HAVCR2: variants seen among roughly 807,000 people sequenced by gnomAD.
HAVCR2 encodes hepatitis A virus cellular receptor 2.
A neutral mutation model predicts 24.7 loss-of-function variants in HAVCR2; 13 were observed. That is an observed-to-expected ratio of 0.53 (90% confidence interval 0.34 to 0.84). HAVCR2 has a LOEUF of 0.84. Among genes scored for constraint, HAVCR2 ranks in the 40% least tolerant of loss-of-function variants. The probability of loss-of-function intolerance (pLI) is 0.01; values close to 1 mark genes in which losing one functional copy is unlikely to be tolerated. For synonymous variants in HAVCR2, 154 were observed against 143.4 expected (o/e 1.07, Z -0.53); for missense variants, 343 against 371.2 (o/e 0.92, Z 0.62).
chr5:157,088,962 T>A lies in HAVCR2; in HGVS notation c.692A>T (p.Lys231Ile), dbSNP rs1318725609. Reference protein sequence around the residue: ...ALIFKWYSHSKEKIQNLSLIS... With the variant: ...ALIFKWYSHSIEKIQNLSLIS... ...TTACCTTAAATTCTGTATCTTCTCT[T>A]TGCTATGAGAATACCCTAGTAAGGG... Residue 231 changes from lysine (K) to isoleucine (I), a missense_variant, in exon 6 of 7, where the codon AAA (lysine) becomes ATA (isoleucine). Physicochemically the swap from Lys to Ile is moderately radical, Grantham distance 102. Coordinates refer to ENST00000307851, the MANE Select transcript of HAVCR2 (RefSeq NM_032782.5). The A allele has an allele frequency of 6.2e-7, 1 of 1,608,946 alleles. No individual in the cohort carries two copies. The highest frequency in any genetic ancestry group is 2.2e-5 in the East Asian group (1 of 44,672).
At chr5:157,093,650 T>C (rs1470893438) in intron 5 of HAVCR2, among the ~76,000 whole-genome samples, 1 of 152,052 alleles carries the variant, frequency 6.6e-6, no homozygotes, top group Non-Finnish European at 1.5e-5. Context: ...GACACAATTA[T>C]AAAAGTGTGT....
Position 157,107,805 on chromosome 5 carries a change from C to G in HAVCR2, c.59-843G>C, listed in dbSNP as rs372449154. Among the ~76,000 whole-genome samples the G allele has an allele frequency of 7.2e-5, 11 of 152,234 alleles. No homozygotes were observed. In the East Asian group the frequency reaches 1.5e-3, roughly 21 times the overall value. Reference sequence around the variant, plus strand: ...TGCGTTATCTGATTGTTTCCCTACCCCATTTTGTCTGTGTTATCTAATGTA... The same window carrying G: ...TGCGTTATCTGATTGTTTCCCTACCGCATTTTGTCTGTGTTATCTAATGTA... On this transcript the variant is annotated intron_variant, in intron 1 of 6. Transcript: ENST00000307851.
rs1308317592 is a variant in HAVCR2, at chr5:157,086,699, C to T, written c.*403G>A. 1 of 166,908 alleles carries T rather than the reference C, an allele frequency of 6.0e-6. No individual in the cohort carries two copies. Among genetic ancestry groups the T allele is most frequent in the Non-Finnish European group, 1.3e-5 (1 of 78,612 alleles). The allele number at this position is 166,908 out of a possible 1,614,324, so 10.3% of individuals were successfully genotyped here. On this transcript the variant is annotated 3_prime_UTR_variant, in exon 7 of 7. Coordinates refer to ENST00000307851, the MANE Select transcript of HAVCR2 (RefSeq NM_032782.5). Reference sequence around the variant, plus strand: ...AGATCTCTTTGAAAATCAGTGGCCCCTTTAGACTTTCTGTGCCAAAAAAGT... The same window carrying T: ...AGATCTCTTTGAAAATCAGTGGCCCTTTTAGACTTTCTGTGCCAAAAAAGT...
At chr5:157,087,343 C>A (rs758895328) in intron 6 of HAVCR2, 49 bp from the exon 7 acceptor site, 2 of 1,511,058 alleles carry the variant, frequency 1.3e-6, no homozygotes, top group South Asian at 1.2e-5. Context: ...CCAGGTAACA[C>A]GGAATAGAGT....
At chr5:157,097,314 G>A (rs1757107041) in intron 4 of HAVCR2, among the ~76,000 whole-genome samples, 2 of 151,080 alleles carry the variant, frequency 1.3e-5, no homozygotes, top group African/African-American at 4.9e-5. Flanking sequence ...GAGTGCAGGG[G>A]CATGATCACA....
In HAVCR2 at chr5:157,088,974, T is replaced by C; in HGVS notation, c.680A>G (p.Tyr227Cys). 2 of 1,607,016 alleles carry C rather than the reference T, an allele frequency of 1.2e-6. No homozygotes were observed. Among genetic ancestry groups the C allele is most frequent in the Non-Finnish European group, 1.7e-6 (2 of 1,177,018 alleles). ...CTGTATCTTCTCTTTGCTATGAGAA[T>C]ACCCTAGTAAGGGGGAAACAAAAGC... ...LIFGALIFKW[Y>C]SHSKEKIQNL... The change falls in exon 6 of 7, where the codon TAT becomes TGT. Residue 227 changes from tyrosine (Y) to cysteine (C), a missense_variant. Physicochemically the swap from Tyr to Cys is radical, Grantham distance 194. Transcript: ENST00000307851.
In HAVCR2 at chr5:157,106,844, A is replaced by G; in HGVS notation, c.177T>C (p.Pro59=). ...GCACCACGTTGCCACATTCAAACACAGGACAGGCTCCTTTGCCCCAGCAGA... is the reference window on the plus strand; with the variant it reads ...GCACCACGTTGCCACATTCAAACACGGGACAGGCTCCTTTGCCCCAGCAGA... ...VPVCWGKGAC[P]VFECGNVVLR... The change falls in exon 2 of 7, where the codon CCT becomes CCC. Residue 59 remains proline, a synonymous_variant. Coordinates refer to ENST00000307851, the MANE Select transcript of HAVCR2 (RefSeq NM_032782.5). 2 of 1,614,186 alleles carry G rather than the reference A, an allele frequency of 1.2e-6. No homozygotes were observed. Among genetic ancestry groups the G allele is most frequent in the Non-Finnish European group, 1.7e-6 (2 of 1,180,036 alleles).
In HAVCR2 at chr5:157,106,491, C is replaced by T. The variant is rs1289171156; in HGVS notation, c.394+136G>A. On this transcript the variant is annotated intron_variant, in intron 2 of 6. Coordinates refer to ENST00000307851, the MANE Select transcript of HAVCR2 (RefSeq NM_032782.5). ...ATATCACTGAGCATCACCAATGGGG[C>T]CTGTTAAACTTTAGGTCTTAGTGGC... is the stretch of plus-strand genomic sequence containing the variant. 27 of 667,636 alleles carry T rather than the reference C, an allele frequency of 4.0e-5. No homozygotes were observed. The East Asian group carries it at 7.3e-4, about 18-fold the overall frequency. 41.4% of individuals were successfully genotyped at this position (667,636 alleles called of 1,614,324 possible).
intron 2 of HAVCR2, chr5:157,106,129 C>CTTTTT (rs200390397): frequency 2.0e-5 from 1 of 49,634 alleles, no homozygotes. Flanking sequence ...CTTTTCTTTT[C>CTTTTT]TTTTCTTTTT....
chr5:157,104,083 C>G (rs1329884892), intron 3 of HAVCR2, among the ~76,000 whole-genome samples: 1 of 152,018 alleles, frequency 6.6e-6, no homozygotes, highest in Non-Finnish European at 1.5e-5. Context: ...TAGAAGAGAC[C>G]AGGACACTGA....
At chr5:157,101,540 GTAC>G (rs1757164907) in intron 3 of HAVCR2, among the ~76,000 whole-genome samples, 1 of 152,114 alleles carries the variant, frequency 6.6e-6, no homozygotes, top group Non-Finnish European at 1.5e-5. Context: ...CAATAAGTAG[GTAC>G]TACTATTTTC....
chr5:157,093,112 C>CATAT (rs138674966), intron 5 of HAVCR2, among the ~76,000 whole-genome samples: 39 of 139,816 alleles, frequency 2.8e-4, no homozygotes, highest in African/African-American at 1.1e-3. Flanking sequence ...CATATATATA[C>CATAT]ATATATATAT....
chr5:157,102,934 CAAAA>C (rs34491013), intron 3 of HAVCR2, among the ~76,000 whole-genome samples: 2 of 119,408 alleles, frequency 1.7e-5, no homozygotes. Context: ...GACTCCGTCT[CAAAA>C]AAAAAAAAAA....
At position 157,106,889 on chromosome 5, in the gene HAVCR2, G is replaced by A. The variant is rs762287960; in HGVS notation, c.132C>T (p.Ala44=). The A allele has an allele frequency of 3.1e-6, 5 of 1,614,066 alleles. No individual in the cohort carries two copies. The highest frequency in any genetic ancestry group is 4.2e-6 in the Non-Finnish European group (5 of 1,180,026). Residue 44 remains alanine, a synonymous_variant, in exon 2 of 7, where the codon GCC becomes GCT. Coordinates refer to ENST00000307851, the MANE Select transcript of HAVCR2 (RefSeq NM_032782.5). ...AYLPCFYTPA[A]PGNLVPVCWG... ...AGCAGACGGGCACGAGGTTCCCTGG[G>A]GCGGCTGGGGTGTAGAAGCAGGGCA...
rs1164539065 is a variant in HAVCR2 at position 157,101,955 on chromosome 5, TTTTTTTTTTG to T, written c.478+2701_478+2710del. Among the ~76,000 whole-genome samples, 191 of 148,298 alleles carry T rather than the reference TTTTTTTTTTG, an allele frequency of 1.3e-3. 5 individuals are homozygous for T. Among genetic ancestry groups the T allele is most frequent in the Non-Finnish European group, 1.2e-3 (78 of 66,890 alleles). On this transcript the variant is annotated intron_variant, in intron 3 of 6. Transcript: ENST00000307851. ...CATGCCCGGCTATTTTTTTTTTTTT[TTTTTTTTTTG>T]GGATGGAATCTCGCTCTGTTTTCCA...
intron 3 of HAVCR2, 139 bp from the exon 4 acceptor site, chr5:157,099,040 C>G: frequency 1.3e-6 from 1 of 752,968 alleles, no homozygotes; most frequent in Non-Finnish European, 2.0e-6. Flanking sequence ...CCGTACTTGT[C>G]ACAATAATTA....
At chr5:157,103,814 A>G (rs748085576) in intron 3 of HAVCR2, among the ~76,000 whole-genome samples, 2 of 152,270 alleles carry the variant, frequency 1.3e-5, no homozygotes, top group Non-Finnish European at 2.9e-5. Context: ...AGAGCTATCA[A>G]GAACAGCTGA....
chr5:157,101,326 A>G (rs1757163135), intron 3 of HAVCR2, among the ~76,000 whole-genome samples: 1 of 152,210 alleles, frequency 6.6e-6, no homozygotes, highest in African/African-American at 2.4e-5. Flanking sequence ...GCCACCAACC[A>G]AGATGGATGG....
Position 157,100,862 on chromosome 5 carries a change from C to T in HAVCR2, c.479-1961G>A, listed in dbSNP as rs1224317591. ...CTGTAATCCCAGCACTTTGGGAGGC[C>T]GAGGGCAGGCAGATCACGAGGTCAG... On this transcript the variant is annotated intron_variant, in intron 3 of 6. Transcript: ENST00000307851. 3.3e-5 allele frequency among the ~76,000 whole-genome samples: 5 copies of T among 152,072 alleles called. No individual in the cohort carries two copies. The East Asian group carries it at 7.7e-4, about 23-fold the overall frequency.
Sources: gnomAD v4.1 joint callset for allele counts (sites outside exome capture counted in the v4.1 genomes callset) on GRCh38, gnomAD v4.1.1 for gene constraint, MANE v1.5 for transcripts, NCBI Gene and HGNC (gene_info 2026-07-23, HGNC 2026-07-21) for gene names.